ADAMTSL1: variants seen among roughly 807,000 people sequenced by gnomAD.
The protein encoded by ADAMTSL1 is ADAMTS like 1.
Under a neutral mutation model 201.8 loss-of-function variants are expected in ADAMTSL1, and 126 were observed. The observed-to-expected ratio is 0.62, with a 90% CI of 0.54 to 0.72. The LOEUF (loss-of-function observed/expected upper bound fraction) is 0.72. Among genes scored for constraint, ADAMTSL1 ranks in the 30% least tolerant of loss-of-function variants. The pLI, the probability that ADAMTSL1 is intolerant of heterozygous loss-of-function variation, is 0.00. For synonymous variants in ADAMTSL1, 1,121 were observed against 903.4 expected, an observed-to-expected ratio of 1.24 and a Z score of -4.32; for missense variants, 2,679 against 2,277.8, an observed-to-expected ratio of 1.18 and a Z score of -3.59.
chr9:18,135,989 T>C (rs959904010), intron 1 of ADAMTSL1, among the ~76,000 whole-genome samples: 1 of 152,128 alleles, frequency 6.6e-6, no homozygotes, highest in South Asian at 2.1e-4. Flanking sequence ...CACAGATTAG[T>C]TCATTTATTT....
At chr9:18,801,082 A>T (rs896667795) in intron 20 of ADAMTSL1, among the ~76,000 whole-genome samples, 3 of 152,194 alleles carry the variant, frequency 2.0e-5, no homozygotes, top group Admixed American at 2.0e-4. Context: ...TCTAAGCCCT[A>T]CCTACTTCCT....
chr9:18,761,156 A>C (rs1399874265), intron 16 of ADAMTSL1, among the ~76,000 whole-genome samples: 1 of 152,210 alleles, frequency 6.6e-6, no homozygotes, highest in Admixed American at 6.5e-5. Flanking sequence ...GTTAAATGAA[A>C]AGTTGGCCTT....
intron 4 of ADAMTSL1, among the ~76,000 whole-genome samples, chr9:18,577,541 A>C (rs969594566): frequency 7.9e-5 from 12 of 152,174 alleles, no homozygotes; most frequent in Non-Finnish European, 1.8e-4. Context: ...CGAGCTGTGT[A>C]ATCTTGGTCA....
intron 4 of ADAMTSL1, among the ~76,000 whole-genome samples, chr9:18,584,021 A>G (rs1037760372): frequency 1.3e-5 from 2 of 152,200 alleles, no homozygotes; most frequent in Non-Finnish European, 2.9e-5. Context: ...GTTAATGCTG[A>G]AATGAGTTAA....
intron 1 of ADAMTSL1, among the ~76,000 whole-genome samples, chr9:17,919,250 C>T (rs530675001): frequency 9.3e-5 from 14 of 150,990 alleles, no homozygotes; most frequent in Admixed American, 8.6e-4. Flanking sequence ...TTTTCTAGTA[C>T]ACTTCCTTTT....
chr9:18,314,461 A>G (rs1834280676), intron 2 of ADAMTSL1, among the ~76,000 whole-genome samples: 1 of 151,966 alleles, frequency 6.6e-6, no homozygotes, highest in African/African-American at 2.4e-5. Context: ...GTGATGCTGC[A>G]TACTTTCGCG....
chr9:18,676,449 T>A (rs1036789919), intron 10 of ADAMTSL1, among the ~76,000 whole-genome samples: 1 of 152,170 alleles, frequency 6.6e-6, no homozygotes, highest in Admixed American at 6.6e-5. Flanking sequence ...AGACATTTTT[T>A]CTAAACAAAA....
intron 15 of ADAMTSL1, among the ~76,000 whole-genome samples, chr9:18,743,178 GC>G (rs1376519857): frequency 6.6e-6 from 1 of 152,158 alleles, no homozygotes; most frequent in Non-Finnish European, 1.5e-5. Flanking sequence ...ATTAAATCAA[GC>G]TCTGTGTAGG....
At chr9:17,930,415 A>T (rs1826731609) in intron 1 of ADAMTSL1, among the ~76,000 whole-genome samples, 1 of 152,016 alleles carries the variant, frequency 6.6e-6, no homozygotes, top group South Asian at 2.1e-4. Context: ...TTGTATTCTT[A>T]ACTAGGCTCA....
intron 7 of ADAMTSL1, among the ~76,000 whole-genome samples, chr9:18,655,441 A>T (rs971032628): frequency 6.6e-6 from 1 of 152,200 alleles, no homozygotes; most frequent in Non-Finnish European, 1.5e-5. Flanking sequence ...AAGGAGGTCA[A>T]AATTACATAT....
chr9:18,883,130 G>C (rs905470152), intron 23 of ADAMTSL1, among the ~76,000 whole-genome samples: 18 of 152,138 alleles, frequency 1.2e-4, no homozygotes, highest in South Asian at 2.1e-4. Flanking sequence ...AAATGTATCA[G>C]TTAGCTATCA....
intron 1 of ADAMTSL1, among the ~76,000 whole-genome samples, chr9:18,060,293 C>T (rs560760746): frequency 5.9e-5 from 9 of 152,160 alleles, no homozygotes; most frequent in Non-Finnish European, 1.3e-4. Context: ...TTTACAGTGA[C>T]TTTCCATTTG....
intron 2 of ADAMTSL1, among the ~76,000 whole-genome samples, chr9:18,211,805 C>T (rs1829883566): frequency 6.6e-6 from 1 of 152,160 alleles, no homozygotes; most frequent in Admixed American, 6.5e-5. Context: ...TTCAAATGTT[C>T]CATTGAAAAT....
chr9:18,312,939 C>G (rs1026061085), intron 2 of ADAMTSL1, among the ~76,000 whole-genome samples: 5 of 152,154 alleles, frequency 3.3e-5, no homozygotes, highest in African/African-American at 1.2e-4. Flanking sequence ...ATAAGGGGCA[C>G]TGATTCATTT....
chr9:18,514,400 G>T (rs1247187459), intron 2 of ADAMTSL1, among the ~76,000 whole-genome samples: 1 of 147,260 alleles, frequency 6.8e-6, no homozygotes, highest in Non-Finnish European at 1.5e-5. Context: ...CACTATCTCG[G>T]CTCACTGCAA....
chr9:18,283,419 A>G (rs995576625), intron 2 of ADAMTSL1, among the ~76,000 whole-genome samples: 1 of 151,910 alleles, frequency 6.6e-6, no homozygotes, highest in Admixed American at 6.6e-5. Flanking sequence ...AACCTGGTCA[A>G]CATAGTGAGG....
chr9:18,770,935 T>TA (rs1820655720), intron 17 of ADAMTSL1, among the ~76,000 whole-genome samples, 154 bp downstream of exon 17: 1 of 152,252 alleles, frequency 6.6e-6, no homozygotes, highest in African/African-American at 2.4e-5. Flanking sequence ...AGTGTGTAAC[T>TA]AGCTTTTAAC....
At chr9:18,049,619 C>CTTTTTT (rs61679017) in intron 1 of ADAMTSL1, among the ~76,000 whole-genome samples, 1 of 143,738 alleles carries the variant, frequency 7.0e-6, no homozygotes. Flanking sequence ...ACTTCTTATT[C>CTTTTTT]TTTTTTTTTT....
chr9:17,977,248 A>G (rs185168303), intron 1 of ADAMTSL1, among the ~76,000 whole-genome samples: 1 of 151,830 alleles, frequency 6.6e-6, no homozygotes, highest in African/African-American at 2.4e-5. Context: ...GATGATTTTT[A>G]TGTCTATGTT....
Sources: allele counts gnomAD v4.1 joint callset (sites outside exome capture counted in the v4.1 genomes callset), GRCh38; gene constraint gnomAD v4.1.1; transcripts MANE v1.5; gene names NCBI Gene and HGNC (gene_info 2026-07-23, HGNC 2026-07-21).